The following TSHZ2 variants were observed in gnomAD, a reference collection of about 807,000 sequenced individuals.
TSHZ2 encodes the protein teashirt zinc finger homeobox 2, also known as teashirt homolog 2.
A neutral mutation model predicts 74.4 loss-of-function variants in TSHZ2; 21 were observed. The observed-to-expected ratio is 0.28, with a 90% confidence interval of 0.20 to 0.41. TSHZ2 has a LOEUF of 0.41. Ranked by LOEUF, TSHZ2 falls within the 10% of genes least tolerant of loss-of-function variation. The probability of loss-of-function intolerance (pLI) is 1.00; values close to 1 mark genes in which losing one functional copy is unlikely to be tolerated. For missense variants in TSHZ2, 1,244 were observed against 1,293.5 expected, an observed-to-expected ratio of 0.96 and a Z score of 0.59; for synonymous variants, 540 against 515.3, an observed-to-expected ratio of 1.05 and a Z score of -0.65.
chr20:53,025,270 C>T (rs1363213769), intron 1 of TSHZ2, among the ~76,000 whole-genome samples: 1 of 152,004 alleles, frequency 6.6e-6, no homozygotes, highest in Non-Finnish European at 1.5e-5. Context: ...ATAGTAAGAG[C>T]AAACATTTAA....
At chr20:53,301,822 T>G (rs927291566) in intron 2 of TSHZ2, among the ~76,000 whole-genome samples, 6 of 152,224 alleles carry the variant, frequency 3.9e-5, no homozygotes, top group Admixed American at 3.9e-4. Context: ...TTCACCTTCG[T>G]GGCAGCGCCA....
At chr20:53,195,324 A>G (rs1442383246) in intron 1 of TSHZ2, among the ~76,000 whole-genome samples, 1 of 152,210 alleles carries the variant, frequency 6.6e-6, no homozygotes, top group African/African-American at 2.4e-5. Context: ...ATTTGTTCAG[A>G]GTCTGCATTT....
intron 1 of TSHZ2, among the ~76,000 whole-genome samples, chr20:53,182,636 C>G (rs1458281391): frequency 2.6e-5 from 4 of 152,200 alleles, no homozygotes; most frequent in Admixed American, 6.5e-5. Context: ...AAGAATCTCT[C>G]TAACTTTTGG....
intron 2 of TSHZ2, among the ~76,000 whole-genome samples, chr20:53,471,730 T>C (rs1985807494): frequency 6.6e-6 from 1 of 151,302 alleles, no homozygotes; most frequent in African/African-American, 2.4e-5. Flanking sequence ...GGCAGAGGGA[T>C]GGCAAGACCA....
At chr20:53,118,540 C>A (rs905775666) in intron 1 of TSHZ2, among the ~76,000 whole-genome samples, 1 of 152,130 alleles carries the variant, frequency 6.6e-6, no homozygotes, top group Non-Finnish European at 1.5e-5. Flanking sequence ...AGGCAGAGGG[C>A]TCTGGAACAT....
chr20:53,318,580 C>T (rs960819861), intron 2 of TSHZ2, among the ~76,000 whole-genome samples: 6 of 152,142 alleles, frequency 3.9e-5, no homozygotes, highest in Non-Finnish European at 2.9e-5. Context: ...GGTGGAGGGA[C>T]AGAGGAAGAT....
intron 2 of TSHZ2, among the ~76,000 whole-genome samples, chr20:53,472,646 A>T (rs558543282): frequency 1.8e-4 from 27 of 151,186 alleles, no homozygotes; most frequent in Admixed American, 1.6e-3. Flanking sequence ...CTCAGGGGGG[A>T]GGGAGGAGCC....
intron 1 of TSHZ2, among the ~76,000 whole-genome samples, chr20:53,139,695 C>T (rs561930978): frequency 6.6e-6 from 1 of 151,312 alleles, no homozygotes; most frequent in Non-Finnish European, 1.5e-5. Flanking sequence ...TTATCATTTA[C>T]AATAATTTAT....
chr20:53,212,741 A>G (rs547387616), intron 1 of TSHZ2, among the ~76,000 whole-genome samples: 4 of 152,278 alleles, frequency 2.6e-5, no homozygotes, highest in African/African-American at 9.6e-5. Flanking sequence ...TTCTCTCCGC[A>G]TGGAGGTGTG....
At chr20:53,352,792 AAAG>A (rs1230580427) in intron 2 of TSHZ2, among the ~76,000 whole-genome samples, 3,055 of 45,256 alleles carry the variant, frequency 0.068, 78 homozygotes, top group African/African-American at 0.23. Flanking sequence ...AAAAAAAAAA[AAAG>A]AAAGAAATAA....
chr20:53,340,820 G>A (rs915146954), intron 2 of TSHZ2, among the ~76,000 whole-genome samples: 2 of 152,008 alleles, frequency 1.3e-5, no homozygotes, highest in Non-Finnish European at 1.5e-5. Flanking sequence ...GTGAGTAATG[G>A]GACAATCACC....
intron 2 of TSHZ2, among the ~76,000 whole-genome samples, chr20:53,345,181 G>A (rs1183551229): frequency 1.3e-5 from 2 of 152,218 alleles, no homozygotes; most frequent in Non-Finnish European, 2.9e-5. Context: ...GCCAAAGTGT[G>A]GATGTGTGTT....
intron 2 of TSHZ2, among the ~76,000 whole-genome samples, chr20:53,433,066 C>T (rs1983902401): frequency 6.6e-6 from 1 of 152,122 alleles, no homozygotes; most frequent in African/African-American, 2.4e-5. Context: ...CTACCTTTGC[C>T]CCTCTTCTCA....
At chr20:53,126,303 C>G (rs914147737) in intron 1 of TSHZ2, among the ~76,000 whole-genome samples, 3 of 152,174 alleles carry the variant, frequency 2.0e-5, no homozygotes, top group Non-Finnish European at 4.4e-5. Context: ...GGTATGTGAG[C>G]CAGAAATTAG....
intron 1 of TSHZ2, among the ~76,000 whole-genome samples, chr20:52,977,454 ACAC>A (rs1981387703): frequency 1.4e-5 from 2 of 143,508 alleles, no homozygotes; most frequent in Non-Finnish European, 3.1e-5. Flanking sequence ...ACACACACAC[ACAC>A]ACACACACAC....
At chr20:53,321,683 C>CAAA (rs59907513) in intron 2 of TSHZ2, among the ~76,000 whole-genome samples, 13 of 58,294 alleles carry the variant, frequency 2.2e-4, no homozygotes, top group African/African-American at 4.2e-4. Context: ...GACTCCATCT[C>CAAA]AAAAAAAAAA....
intron 1 of TSHZ2, among the ~76,000 whole-genome samples, chr20:53,233,397 G>T (rs1321627237): frequency 6.6e-6 from 1 of 152,184 alleles, no homozygotes; most frequent in African/African-American, 2.4e-5. Flanking sequence ...TGTAAGAAGA[G>T]ATCCTGTCTA....
Position 53,304,616 on chromosome 20 carries a change from TTTGTTTGTTTCC to T in TSHZ2, c.*8+48056_*8+48067del, listed in dbSNP as rs543116530. On this transcript the variant is annotated intron_variant, in intron 2 of 2. Transcript: ENST00000371497. ...TAGCAAAGAACTATTAATGAAGTTT[TTTGTTTGTTTCC>T]TTGTTTGTTTGTTTGTTTGTTTGAG... Among the ~76,000 whole-genome samples, 717 of 147,250 alleles carry T rather than the reference TTTGTTTGTTTCC, an allele frequency of 4.9e-3. 4 individuals are homozygous for T. Among genetic ancestry groups the T allele is most frequent in the African/African-American group, 0.018 (673 of 37,496 alleles).
chr20:53,284,382 C>T (rs892565627), intron 2 of TSHZ2, among the ~76,000 whole-genome samples: 23 of 152,168 alleles, frequency 1.5e-4, no homozygotes, highest in African/African-American at 5.3e-4. Context: ...ATAGCACAGG[C>T]GGCGGCAGAA....
Sources: gnomAD v4.1 joint callset for allele counts (sites outside exome capture counted in the v4.1 genomes callset) on GRCh38, gnomAD v4.1.1 for gene constraint, MANE v1.5 for transcripts, NCBI Gene and HGNC (gene_info 2026-07-23, HGNC 2026-07-21) for gene names.